The following PID1 variants were observed in gnomAD, a reference collection of about 807,000 sequenced individuals.
PID1 encodes the protein PTB-containing, cubilin and LRP1-interacting protein.
Under a neutral mutation model 19.1 loss-of-function variants are expected in PID1, and 10 were observed. The ratio of observed to expected loss-of-function variants is 0.52; its 90% CI spans 0.32 to 0.89. PID1 has a LOEUF of 0.89. Among genes scored for constraint, PID1 ranks in the 40% least tolerant of loss-of-function variants. PID1 has a pLI of 0.03. For missense variants in PID1, 248 were observed against 285.3 expected, an observed-to-expected ratio of 0.87 and a Z score of 0.94; for synonymous variants, 130 against 116.0, an observed-to-expected ratio of 1.12 and a Z score of -0.78.
intron 1 of PID1, among the ~76,000 whole-genome samples, chr2:229,181,408 G>T (rs1690944275): frequency 6.6e-6 from 1 of 151,954 alleles, no homozygotes; most frequent in South Asian, 2.1e-4. Context: ...TATAGCTCAG[G>T]TCATAAAAAA....
intron 1 of PID1, among the ~76,000 whole-genome samples, chr2:229,179,814 G>T (rs1204880056): frequency 6.6e-6 from 1 of 152,134 alleles, no homozygotes; most frequent in Non-Finnish European, 1.5e-5. Flanking sequence ...TCATTTGTTT[G>T]TCCTGGATTT....
chr2:229,157,623 T>C (rs1302200741), intron 1 of PID1, among the ~76,000 whole-genome samples: 3 of 152,066 alleles, frequency 2.0e-5, no homozygotes, highest in African/African-American at 4.8e-5. Flanking sequence ...TCTTAACATG[T>C]AGGAATTTAG....
At chr2:229,050,508 G>A (rs940898918) in intron 2 of PID1, among the ~76,000 whole-genome samples, 12 of 152,286 alleles carry the variant, frequency 7.9e-5, no homozygotes, top group Admixed American at 3.3e-4. Flanking sequence ...TTCCTAAAAA[G>A]TCTTTCTTCC....
At chr2:229,138,271 G>A (rs1689896859) in intron 2 of PID1, among the ~76,000 whole-genome samples, 1 of 152,174 alleles carries the variant, frequency 6.6e-6, no homozygotes, top group South Asian at 2.1e-4. Context: ...CACATCTGCT[G>A]TAAAAACTGT....
At chr2:229,180,773 G>A (rs927128625) in intron 1 of PID1, among the ~76,000 whole-genome samples, 3 of 152,250 alleles carry the variant, frequency 2.0e-5, no homozygotes, top group Admixed American at 6.5e-5. Context: ...ACTCCACTAC[G>A]CCCATCTCCG....
chr2:229,201,402 T>G (rs1287601951), intron 1 of PID1, among the ~76,000 whole-genome samples: 1 of 152,068 alleles, frequency 6.6e-6, no homozygotes, highest in Non-Finnish European at 1.5e-5. Context: ...CTTCTTTATT[T>G]CCCTTAGCAT....
intron 1 of PID1, among the ~76,000 whole-genome samples, chr2:229,194,787 A>G (rs530363644): frequency 6.6e-6 from 1 of 152,150 alleles, no homozygotes; most frequent in South Asian, 2.1e-4. Context: ...ACTGCCTGAT[A>G]GGATATTTTA....
intron 2 of PID1, among the ~76,000 whole-genome samples, chr2:229,101,623 T>A (rs147782056): frequency 2.3e-4 from 35 of 152,322 alleles, no homozygotes; most frequent in African/African-American, 8.4e-4. Context: ...ATCACACCCA[T>A]TTTACAAGGC....
At chr2:229,140,291 T>G (rs1455548839) in intron 2 of PID1, among the ~76,000 whole-genome samples, 1 of 152,068 alleles carries the variant, frequency 6.6e-6, no homozygotes, top group Admixed American at 6.6e-5. Context: ...CATACAGAAT[T>G]AGAAGTATCC....
chr2:229,186,772 T>C (rs1355229615), intron 1 of PID1, among the ~76,000 whole-genome samples: 3 of 152,240 alleles, frequency 2.0e-5, no homozygotes, highest in African/African-American at 7.2e-5. Flanking sequence ...TCATTACTTA[T>C]GCAAATTTCT....
At chr2:229,044,838 A>G (rs189684692) in intron 2 of PID1, among the ~76,000 whole-genome samples, 1 of 152,292 alleles carries the variant, frequency 6.6e-6, no homozygotes, top group East Asian at 1.9e-4. Flanking sequence ...CATGCCACAC[A>G]CTGCTTGAGC....
chr2:229,163,682 CGTGT>C (rs78599845), intron 1 of PID1, among the ~76,000 whole-genome samples: 14 of 51,492 alleles, frequency 2.7e-4, no homozygotes, highest in African/African-American at 6.4e-4. Context: ...TGTGCGTGTG[CGTGT>C]GTGTGTGTGT....
chr2:229,077,050 A>G (rs940174829), intron 2 of PID1, among the ~76,000 whole-genome samples: 1 of 152,162 alleles, frequency 6.6e-6, no homozygotes, highest in African/African-American at 2.4e-5. Context: ...CATCCTCTCC[A>G]GCATCTGCTG....
intron 2 of PID1, among the ~76,000 whole-genome samples, chr2:229,071,668 T>C (rs1466046889): frequency 6.6e-6 from 1 of 152,200 alleles, no homozygotes; most frequent in Non-Finnish European, 1.5e-5. Flanking sequence ...CAGGATAAAA[T>C]TTTAACTCTA....
chr2:229,227,443 ACAG>A (rs1396623122), intron 1 of PID1, among the ~76,000 whole-genome samples: 1 of 152,204 alleles, frequency 6.6e-6, no homozygotes, highest in Non-Finnish European at 1.5e-5. Context: ...ATTTCCAGTG[ACAG>A]CAGATCAGTA....
chr2:229,124,485 C>T (rs2106161193), intron 2 of PID1, among the ~76,000 whole-genome samples: 1 of 152,250 alleles, frequency 6.6e-6, no homozygotes, highest in African/African-American at 2.4e-5. Flanking sequence ...CAAGAAAGAA[C>T]TGAGATTATA....
chr2:229,053,345 A>G (rs1694032373), intron 2 of PID1, among the ~76,000 whole-genome samples: 1 of 152,246 alleles, frequency 6.6e-6, no homozygotes, highest in Non-Finnish European at 1.5e-5. Flanking sequence ...TACACTGATT[A>G]GAGAATGAAA....
intron 2 of PID1, among the ~76,000 whole-genome samples, chr2:229,134,101 A>G (rs1689804953): frequency 6.6e-6 from 1 of 152,134 alleles, no homozygotes; most frequent in African/African-American, 2.4e-5. Context: ...CGTGGGGACA[A>G]AATCATCCCA....
At position 229,074,396 on chromosome 2, in the gene PID1, T is replaced by C. The variant is rs575033428; in HGVS notation, c.178-48288A>G. 1.6e-3 allele frequency among the ~76,000 whole-genome samples: 241 copies of C among 150,936 alleles called. 7 individuals carry two copies. The highest frequency in any genetic ancestry group is 6.8e-3 in the Middle Eastern group (2 of 294). On this transcript the variant is annotated intron_variant, in intron 2 of 2. Coordinates refer to ENST00000392055, the MANE Select transcript of PID1 (RefSeq NM_001100818.2). ...GATTTAAAATGGAGACAAACAGAAATGAGGAAAAGGGAAGAAGAGAGGGAA... is the reference window on the plus strand; with the variant it reads ...GATTTAAAATGGAGACAAACAGAAACGAGGAAAAGGGAAGAAGAGAGGGAA...
Sources: gnomAD v4.1 joint callset for allele counts (sites outside exome capture counted in the v4.1 genomes callset) on GRCh38, gnomAD v4.1.1 for gene constraint, MANE v1.5 for transcripts, NCBI Gene and HGNC (gene_info 2026-07-23, HGNC 2026-07-21) for gene names.